The following VSIR variants were observed in gnomAD, a reference collection of about 807,000 sequenced individuals.
VSIR encodes V-type immunoglobulin domain-containing suppressor of T-cell activation.
A neutral mutation model predicts 31.0 loss-of-function variants in VSIR; 10 were observed. The ratio of observed to expected loss-of-function variants is 0.32; its 90% CI spans 0.20 to 0.55. The LOEUF (loss-of-function observed/expected upper bound fraction) is 0.55. Ranked by LOEUF, VSIR falls within the 20% of genes least tolerant of loss-of-function variation. The probability of loss-of-function intolerance (pLI) is 0.93; values close to 1 mark genes in which losing one functional copy is unlikely to be tolerated. For synonymous variants in VSIR, 179 were observed against 180.1 expected (o/e 0.99, Z 0.05); for missense variants, 356 against 416.2 (o/e 0.86, Z 1.26).
chr10:71,759,846 C>CACACACACACACACACACATAT (rs776230069), intron 3 of VSIR, among the ~76,000 whole-genome samples: 8 of 59,956 alleles, frequency 1.3e-4, no homozygotes, highest in South Asian at 5.7e-4. Flanking sequence ...CACACACACA[C>CACACACACACACACACACATAT]ATATACACAC....
chr10:71,756,162 T>C (rs1429872915), intron 3 of VSIR, among the ~76,000 whole-genome samples: 1 of 152,068 alleles, frequency 6.6e-6, no homozygotes, highest in Admixed American at 6.5e-5. Context: ...CCAAAAAAAG[T>C]ACAAGTTTAA....
Position 71,765,068 on chromosome 10 carries a change from A to G in VSIR, c.83-3042T>C, listed in dbSNP as rs1840500100. ...GCTCTGCCGGGAAACAGAAGTGAGGAGGACCTAGGGAAAGGGCTCTCCCAC... is the reference window on the plus strand; with the variant it reads ...GCTCTGCCGGGAAACAGAAGTGAGGGGGACCTAGGGAAAGGGCTCTCCCAC... On this transcript the variant is annotated intron_variant, in intron 1 of 6. Coordinates refer to ENST00000394957, the MANE Select transcript of VSIR (RefSeq NM_022153.2). 2.0e-5 allele frequency among the ~76,000 whole-genome samples: 3 copies of G among 152,186 alleles called. No individual in the cohort carries two copies. The South Asian group carries it at 6.2e-4, about 31-fold the overall frequency.
In VSIR at chr10:71,770,390, C is replaced by G. The variant is rs1840659231; in HGVS notation, c.82+2968G>C. 2.6e-5 allele frequency among the ~76,000 whole-genome samples: 4 copies of G among 152,302 alleles called. No homozygotes were observed. In the South Asian group the frequency reaches 8.3e-4, roughly 32 times the overall value. On this transcript the variant is annotated intron_variant, in intron 1 of 6. Coordinates refer to ENST00000394957, the MANE Select transcript of VSIR (RefSeq NM_022153.2). ...GTAAATGGCCATCTTGGGATTTAAG[C>G]CTAGGTCTGAGTGACTCACAAAGCC...
Position 71,751,053 on chromosome 10 carries a change from A to G in VSIR, c.*200T>C. On this transcript the variant is annotated 3_prime_UTR_variant, in exon 7 of 7. Transcript: ENST00000394957. This position sits in a 1 kb window ranked among gnomAD's most constrained non-coding sequence, Gnocchi z 4.9. ...CTCAGCACCCCAAAATCCTTGGAAC[A>G]GGGGCTGAGCCGTCCAGCATCCCCA... 1.7e-6 allele frequency: 1 copy of G among 597,610 alleles called. No individual in the cohort carries two copies. Among genetic ancestry groups the G allele is most frequent in the Non-Finnish European group, 2.9e-6 (1 of 348,632 alleles). 37.0% of individuals were successfully genotyped at this position (597,610 alleles called of 1,614,324 possible). A position where few individuals can be genotyped will look rare whatever the true frequency, so the allele number is the denominator to read the frequency against.
intron 1 of VSIR, among the ~76,000 whole-genome samples, chr10:71,770,082 C>G (rs1405544875): frequency 2.6e-5 from 4 of 152,224 alleles, no homozygotes; most frequent in Admixed American, 2.0e-4. Context: ...TTTGGAGAAT[C>G]TAGTCCCAGT....
Position 71,760,918 on chromosome 10 carries a change from T to A in VSIR, c.518A>T (p.Asp173Val), listed in dbSNP as rs755835959. 2 of 1,613,816 alleles carry A rather than the reference T, an allele frequency of 1.2e-6. No homozygotes were observed. The highest frequency in any genetic ancestry group is 1.7e-6 in the Non-Finnish European group (2 of 1,179,760). Residue 173 changes from aspartate (D) to valine (V), a missense_variant, in exon 3 of 7, where the codon GAT (aspartate) becomes GTT (valine). By Grantham distance (152) the Asp-to-Val change is radical. Around this residue, in one of 2 missense-constraint regions of VSIR, gnomAD observed 190 missense variants for 185.2 expected, o/e 1.03. Coordinates refer to ENST00000394957, the MANE Select transcript of VSIR (RefSeq NM_022153.2). ...AMELQVQTGK[D>V]APSNCVVYPS... Reference sequence around the variant, plus strand: ...GTACACCACACAGTTGGATGGTGCATCTTTGCCTGTGGGAACAAACAGAAG... The same window carrying A: ...GTACACCACACAGTTGGATGGTGCAACTTTGCCTGTGGGAACAAACAGAAG...
chr10:71,771,735 C>T (rs1191188336), intron 1 of VSIR, among the ~76,000 whole-genome samples: 5 of 152,208 alleles, frequency 3.3e-5, no homozygotes, highest in Non-Finnish European at 5.9e-5. Context: ...GCCAAGACCT[C>T]TGGGAGTAAA....
intron 1 of VSIR, among the ~76,000 whole-genome samples, chr10:71,765,423 C>T (rs990216569): frequency 2.9e-4 from 44 of 152,314 alleles, no homozygotes; most frequent in African/African-American, 9.9e-4. Flanking sequence ...CAAAGCTGAG[C>T]TGGGTGGGGT....
At chr10:71,773,306 T>C (rs1840729429) in intron 1 of VSIR, 52 bp downstream of exon 1, 1 of 1,545,834 alleles carries the variant, frequency 6.5e-7, no homozygotes, top group Non-Finnish European at 8.8e-7. Context: ...CCCACTCCAG[T>C]CTGCTGTCTT....
rs1839946111 is a variant in VSIR at position 71,749,733 on chromosome 10, G to A, written c.*1520C>T. 6.6e-6 allele frequency: 1 copy of A among 152,428 alleles called. No homozygotes were observed. Among genetic ancestry groups the A allele is most frequent in the Non-Finnish European group, 1.5e-5 (1 of 68,222 alleles). The allele number at this position is 152,428 out of a possible 1,614,324, so 9.4% of individuals were successfully genotyped here. On this transcript the variant is annotated 3_prime_UTR_variant, in exon 7 of 7. Transcript: ENST00000394957. Reference sequence around the variant, plus strand: ...CTTAGAAGCAGGGCCATGTGTCCAGGTGGGGTTCCCTGGCTGTAGCCACAG... The same window carrying A: ...CTTAGAAGCAGGGCCATGTGTCCAGATGGGGTTCCCTGGCTGTAGCCACAG...
intron 1 of VSIR, among the ~76,000 whole-genome samples, chr10:71,766,829 C>A (rs764479327): frequency 1.3e-5 from 2 of 152,156 alleles, no homozygotes; most frequent in Non-Finnish European, 2.9e-5. Context: ...GGAAGAGCCA[C>A]CCACCTCTCC....
chr10:71,769,735 A>G (rs1265078774), intron 1 of VSIR, among the ~76,000 whole-genome samples: 3 of 152,244 alleles, frequency 2.0e-5, no homozygotes, highest in Admixed American at 1.3e-4. Context: ...ATAAGATCCT[A>G]CGCAGAAAGG....
intron 1 of VSIR, among the ~76,000 whole-genome samples, chr10:71,762,336 T>C (rs1840416564): frequency 6.6e-6 from 1 of 152,208 alleles, no homozygotes; most frequent in Non-Finnish European, 1.5e-5. Flanking sequence ...GCAAAACCTG[T>C]TGGGTGGGAG....
chr10:71,752,074 G>A, intron 5 of VSIR: 1 of 700,034 alleles, frequency 1.4e-6, no homozygotes. Context: ...GGGCATCAGG[G>A]CCCACCAGAA....
chr10:71,766,904 G>C (rs1840560277), intron 1 of VSIR, among the ~76,000 whole-genome samples: 1 of 152,176 alleles, frequency 6.6e-6, no homozygotes, highest in African/African-American at 2.4e-5. Context: ...AAAATGAACT[G>C]ACCGTGCATT....
chr10:71,753,568 G>A (rs1259364550), intron 4 of VSIR, among the ~76,000 whole-genome samples: 6 of 152,158 alleles, frequency 3.9e-5, no homozygotes, highest in African/African-American at 9.7e-5. Context: ...GCAAGTCCCC[G>A]ATCACTTCCC....
intron 1 of VSIR, among the ~76,000 whole-genome samples, chr10:71,765,999 TAGG>T (rs746543209): frequency 2.0e-5 from 3 of 152,060 alleles, no homozygotes; most frequent in Non-Finnish European, 2.9e-5. Context: ...AGCCTGTCGT[TAGG>T]AGGACACTCG....
At chr10:71,765,659 C>G (rs962016920) in intron 1 of VSIR, among the ~76,000 whole-genome samples, 5 of 152,254 alleles carry the variant, frequency 3.3e-5, no homozygotes, top group African/African-American at 1.2e-4. Context: ...GTGGGTGCAT[C>G]AGAGAGAAAG....
chr10:71,759,856 C>CACACACATATATAT, intron 3 of VSIR, among the ~76,000 whole-genome samples: 1 of 111,772 alleles, frequency 8.9e-6, no homozygotes, highest in South Asian at 3.0e-4. Context: ...CATATACACA[C>CACACACATATATAT]ACACACACAT....
Sources: gnomAD v4.1 joint callset for allele counts (sites outside exome capture counted in the v4.1 genomes callset) on GRCh38, gnomAD v4.1.1 for gene constraint, gnomAD v4.1.1 regional missense constraint, Gnocchi (gnomAD v3.1) non-coding constraint, MANE v1.5 for transcripts, NCBI Gene and HGNC (gene_info 2026-07-23, HGNC 2026-07-21) for gene names.